The following ZNF385B variants were observed in gnomAD, a reference collection of about 807,000 sequenced individuals.
ZNF385B encodes the protein zinc finger protein 533.
ZNF385B carries 23 observed loss-of-function variants against 39.2 expected under a neutral mutation model. The observed-to-expected ratio is 0.59, with a 90% CI of 0.42 to 0.83. The LOEUF (loss-of-function observed/expected upper bound fraction) is 0.83, where lower values mean the gene tolerates loss of function less well. Ranked by LOEUF, ZNF385B falls within the 40% of genes least tolerant of loss-of-function variation. ZNF385B has a pLI of 0.00. For missense variants in ZNF385B, 552 were observed against 598.9 expected, an observed-to-expected ratio of 0.92 and a Z score of 0.82; for synonymous variants, 205 against 222.6, an observed-to-expected ratio of 0.92 and a Z score of 0.70.
intron 3 of ZNF385B, among the ~76,000 whole-genome samples, chr2:179,672,938 A>G (rs1029422935): frequency 6.6e-6 from 1 of 152,210 alleles, no homozygotes; most frequent in African/African-American, 2.4e-5. Flanking sequence ...GAATAGAAGC[A>G]AAAATCAAGG....
chr2:179,589,836 G>T (rs1687402256), intron 3 of ZNF385B, among the ~76,000 whole-genome samples: 1 of 152,148 alleles, frequency 6.6e-6, no homozygotes, highest in South Asian at 2.1e-4. Context: ...TTGAAAAGAG[G>T]ATGTTATTGT....
chr2:179,660,680 A>T (rs1694360123), intron 3 of ZNF385B, among the ~76,000 whole-genome samples: 1 of 152,080 alleles, frequency 6.6e-6, no homozygotes, highest in Non-Finnish European at 1.5e-5. Flanking sequence ...TGTTTGTTTG[A>T]CTCCAATACA....
At chr2:179,853,467 G>A (rs990377488) in intron 1 of ZNF385B, among the ~76,000 whole-genome samples, 1 of 152,176 alleles carries the variant, frequency 6.6e-6, no homozygotes, top group Non-Finnish European at 1.5e-5. Context: ...ATTTTCAGAA[G>A]TCCTTGTAGT....
chr2:179,825,678 C>T (rs1707639300), intron 1 of ZNF385B, among the ~76,000 whole-genome samples: 1 of 152,174 alleles, frequency 6.6e-6, no homozygotes, highest in Non-Finnish European at 1.5e-5. Context: ...GAAGTCCCCA[C>T]AAGATGACTC....
At chr2:179,853,085 A>G (rs942924054) in intron 1 of ZNF385B, among the ~76,000 whole-genome samples, 1 of 152,188 alleles carries the variant, frequency 6.6e-6, no homozygotes, top group East Asian at 1.9e-4. Context: ...TCCTCCCCAT[A>G]GTTTGCCAAT....
chr2:179,581,795 G>T (rs1177554342), intron 3 of ZNF385B, among the ~76,000 whole-genome samples: 1 of 152,196 alleles, frequency 6.6e-6, no homozygotes, highest in Non-Finnish European at 1.5e-5. Context: ...TCCAGGTCAT[G>T]CCCTTAGAAA....
intron 1 of ZNF385B, among the ~76,000 whole-genome samples, chr2:179,822,698 C>G (rs1387242059): frequency 6.6e-6 from 1 of 152,152 alleles, no homozygotes; most frequent in African/African-American, 2.4e-5. Context: ...CACATCTCCC[C>G]CTTAAGTGAA....
intron 3 of ZNF385B, among the ~76,000 whole-genome samples, chr2:179,657,620 A>G (rs1200220910): frequency 1.3e-5 from 2 of 152,240 alleles, no homozygotes; most frequent in Non-Finnish European, 2.9e-5. Flanking sequence ...TTACTGGAAC[A>G]TTGACGTAAA....
In ZNF385B at chr2:179,769,534, G is replaced by A; in HGVS notation, c.267C>T (p.Ala89=). The A allele has an allele frequency of 6.2e-7, 1 of 1,614,046 alleles. No individual in the cohort carries two copies. Among genetic ancestry groups the A allele is most frequent in the African/African-American group, 1.3e-5 (1 of 75,044 alleles). ...TGCTGTTGCTGCTGGGGCTGGCCTG[G>A]GCGGGTGGTGGGGGCTGCCCATCAC... The part of the protein sequence containing the change: ...QLSDGQPPPP[A]QASPSSNSST... Residue 89 remains alanine (A), a synonymous_variant, in exon 3 of 10, where the codon GCC becomes GCT. Transcript: ENST00000410066.
chr2:179,682,479 G>C (rs546085196), intron 3 of ZNF385B, among the ~76,000 whole-genome samples: 7 of 152,128 alleles, frequency 4.6e-5, no homozygotes, highest in African/African-American at 1.7e-4. Context: ...CAAAATCCTG[G>C]CAATCATTTC....
rs557884067 is a variant in ZNF385B, at chr2:179,677,682, T to C, written c.298+91821A>G. Among the ~76,000 whole-genome samples, 61 of 152,276 alleles carry C rather than the reference T, an allele frequency of 4.0e-4. 1 individual carries two copies. Among genetic ancestry groups the C allele is most frequent in the African/African-American group, 1.4e-3 (59 of 41,552 alleles). On this transcript the variant is annotated intron_variant, in intron 3 of 9. Coordinates refer to ENST00000410066, the MANE Select transcript of ZNF385B (RefSeq NM_152520.6). Reference sequence around the variant, plus strand: ...GATGGGAAGGGCAGAGCCAAACCTATGCCTGAAAATGGGAAAAGATGAGGA... The same window carrying C: ...GATGGGAAGGGCAGAGCCAAACCTACGCCTGAAAATGGGAAAAGATGAGGA...
At chr2:179,628,579 A>G (rs1690888776) in intron 3 of ZNF385B, among the ~76,000 whole-genome samples, 1 of 152,152 alleles carries the variant, frequency 6.6e-6, no homozygotes, top group Non-Finnish European at 1.5e-5. Flanking sequence ...AAGGTGAGTA[A>G]TTTCTGCTGT....
chr2:179,680,215 AC>A (rs1183462748), intron 3 of ZNF385B, among the ~76,000 whole-genome samples: 1 of 152,144 alleles, frequency 6.6e-6, no homozygotes, highest in South Asian at 2.1e-4. Flanking sequence ...TGAAACTTCC[AC>A]TTTTGACAAA....
chr2:179,721,324 C>T (rs1700687081), intron 3 of ZNF385B, among the ~76,000 whole-genome samples: 1 of 151,934 alleles, frequency 6.6e-6, no homozygotes, highest in African/African-American at 2.4e-5. Context: ...ACAACTTAAC[C>T]AAAATTGACT....
At chr2:179,530,134 A>G (rs1244673594) in intron 4 of ZNF385B, among the ~76,000 whole-genome samples, 3 of 152,226 alleles carry the variant, frequency 2.0e-5, no homozygotes, top group Admixed American at 2.0e-4. Flanking sequence ...CTGAGCTAAA[A>G]GACAGTAAAC....
At chr2:179,491,739 C>T (rs1303703096) in intron 5 of ZNF385B, among the ~76,000 whole-genome samples, 1 of 152,118 alleles carries the variant, frequency 6.6e-6, no homozygotes, top group Non-Finnish European at 1.5e-5. Context: ...CACTCTGTTA[C>T]CCAGCTTGGA....
intron 1 of ZNF385B, among the ~76,000 whole-genome samples, chr2:179,847,911 CA>C (rs1416888602): frequency 6.6e-6 from 1 of 151,870 alleles, no homozygotes; most frequent in Non-Finnish European, 1.5e-5. Context: ...GAGTCTACTT[CA>C]ACAAAGAAGC....
intron 4 of ZNF385B, among the ~76,000 whole-genome samples, chr2:179,534,058 G>T (rs576099202): frequency 6.6e-6 from 1 of 152,182 alleles, no homozygotes; most frequent in South Asian, 2.1e-4. Context: ...CCTCTGTACT[G>T]TTTCCAGGCA....
intron 6 of ZNF385B, among the ~76,000 whole-genome samples, chr2:179,466,943 A>AAAAAAAG (rs1559276782): frequency 6.9e-6 from 1 of 145,910 alleles, no homozygotes; most frequent in African/African-American, 2.5e-5. Flanking sequence ...AAAAAAAAAA[A>AAAAAAAG]AGAGAGAGAG....
Sources: allele counts gnomAD v4.1 joint callset (sites outside exome capture counted in the v4.1 genomes callset), GRCh38; gene constraint gnomAD v4.1.1; transcripts MANE v1.5; gene names NCBI Gene and HGNC (gene_info 2026-07-23, HGNC 2026-07-21).